The following COMMD10 variants were observed in gnomAD, a reference collection of about 807,000 sequenced individuals.
COMMD10 encodes COMM domain-containing protein 10.
Under a neutral mutation model 28.9 loss-of-function variants are expected in COMMD10, and 33 were observed. The observed-to-expected ratio is 1.14, with a 90% CI of 0.87 to 1.53. The LOEUF (loss-of-function observed/expected upper bound fraction) is 1.53, where lower values mean the gene tolerates loss of function less well. COMMD10 is among the 40% of genes most tolerant of loss of function. The pLI is 0.00. For synonymous variants in COMMD10, 110 were observed against 81.7 expected (o/e 1.35, Z -1.87); for missense variants, 310 against 233.4 (o/e 1.33, Z -2.14).
chr5:116,122,083 C>T (rs1187611749), intron 4 of COMMD10, among the ~76,000 whole-genome samples: 2 of 152,132 alleles, frequency 1.3e-5, no homozygotes, highest in Non-Finnish European at 2.9e-5. Flanking sequence ...ATGGTATTGC[C>T]TAGGTTTTCT....
At chr5:116,168,665 G>C (rs906417954) in intron 5 of COMMD10, among the ~76,000 whole-genome samples, 2 of 152,182 alleles carry the variant, frequency 1.3e-5, no homozygotes, top group Non-Finnish European at 2.9e-5. Context: ...TAGAACTCAA[G>C]ATTAAGAAAC....
chr5:116,249,660 G>A (rs756212794), intron 5 of COMMD10, among the ~76,000 whole-genome samples: 22 of 151,688 alleles, frequency 1.5e-4, no homozygotes, highest in Admixed American at 5.3e-4. Flanking sequence ...ATGGTCAATG[G>A]GTTTATATCA....
At chr5:116,208,094 T>G (rs1001557369) in intron 5 of COMMD10, among the ~76,000 whole-genome samples, 1 of 152,154 alleles carries the variant, frequency 6.6e-6, no homozygotes, top group African/African-American at 2.4e-5. Context: ...ATTATTTGTT[T>G]GAGTTTCCTT....
intron 5 of COMMD10, among the ~76,000 whole-genome samples, chr5:116,196,319 G>A (rs917953587): frequency 5.3e-5 from 8 of 152,068 alleles, no homozygotes; most frequent in African/African-American, 1.9e-4. Flanking sequence ...GCATTAGAAT[G>A]ATACAGTGGA....
At chr5:116,196,436 C>T (rs186880469) in intron 5 of COMMD10, among the ~76,000 whole-genome samples, 150 of 151,938 alleles carry the variant, frequency 9.9e-4, no homozygotes, top group Admixed American at 9.1e-3. Flanking sequence ...TCTCACAAAT[C>T]TCCACTAAAG....
At chr5:116,209,856 A>T (rs192538175) in intron 5 of COMMD10, among the ~76,000 whole-genome samples, 158 of 152,228 alleles carry the variant, frequency 1.0e-3, no homozygotes, top group Non-Finnish European at 1.6e-3. Context: ...CTTAATTTTA[A>T]AAAACATTTT....
intron 4 of COMMD10, among the ~76,000 whole-genome samples, chr5:116,108,813 G>A (rs1750936067): frequency 6.6e-6 from 1 of 152,140 alleles, no homozygotes. Context: ...GAAACCCAGG[G>A]CCTAGGTGGC....
chr5:116,222,610 AATT>A (rs1749291408), intron 5 of COMMD10, among the ~76,000 whole-genome samples: 1 of 152,206 alleles, frequency 6.6e-6, no homozygotes, highest in African/African-American at 2.4e-5. Context: ...TCTTACAAGA[AATT>A]ATCTCAGTTT....
chr5:116,280,566 A>G (rs1313078740), intron 5 of COMMD10, among the ~76,000 whole-genome samples: 4 of 151,824 alleles, frequency 2.6e-5, no homozygotes, highest in African/African-American at 9.7e-5. Context: ...TGGTACATTC[A>G]TCTTTGTATC....
At chr5:116,121,433 A>T (rs561755401) in intron 4 of COMMD10, among the ~76,000 whole-genome samples, 2 of 152,204 alleles carry the variant, frequency 1.3e-5, no homozygotes, top group Non-Finnish European at 2.9e-5. Context: ...ATAGTGCCGC[A>T]GTAAACATAC....
chr5:116,093,633 G>A (rs1467332716), intron 4 of COMMD10, among the ~76,000 whole-genome samples: 1 of 152,058 alleles, frequency 6.6e-6, no homozygotes. Context: ...GCTGGAGCAC[G>A]GCTCCATTTT....
intron 5 of COMMD10, among the ~76,000 whole-genome samples, chr5:116,260,591 C>G (rs1409543174): frequency 6.6e-6 from 1 of 151,750 alleles, no homozygotes; most frequent in East Asian, 1.9e-4. Context: ...ACTTCACTGT[C>G]TTGTTCTATG....
At chr5:116,123,018 A>C (rs1390924773) in intron 4 of COMMD10, among the ~76,000 whole-genome samples, 1 of 152,158 alleles carries the variant, frequency 6.6e-6, no homozygotes, top group African/African-American at 2.4e-5. Context: ...CACTATGTTG[A>C]ATAGGAGTGG....
intron 5 of COMMD10, among the ~76,000 whole-genome samples, chr5:116,255,107 A>G (rs546917678): frequency 1.3e-5 from 2 of 151,820 alleles, no homozygotes; most frequent in South Asian, 4.1e-4. Context: ...TTTATCCAAG[A>G]CTAGGATTGC....
At position 116,263,757 on chromosome 5, in the gene COMMD10, G is replaced by A. The variant is rs145966362; in HGVS notation, c.511-27760G>A. ...TACCTATAGCCTGGAAGCTCCCCGC[G>A]CCCCTACTTTTTGTTCTCCTGCCTT... On this transcript the variant is annotated intron_variant, in intron 5 of 6. Transcript: ENST00000274458. Among the ~76,000 whole-genome samples, 280 of 151,762 alleles carry A rather than the reference G, an allele frequency of 1.8e-3. 7 individuals carry two copies. The highest frequency in any genetic ancestry group is 6.2e-3 in the African/African-American group (254 of 41,248).
intron 5 of COMMD10, among the ~76,000 whole-genome samples, chr5:116,279,200 A>C (rs1163466113): frequency 6.6e-6 from 1 of 151,816 alleles, no homozygotes; most frequent in Non-Finnish European, 1.5e-5. Context: ...CATGCAGTGC[A>C]TTAAGAGGAT....
chr5:116,090,492 T>TA (rs1332481652), intron 2 of COMMD10, among the ~76,000 whole-genome samples: 1 of 152,106 alleles, frequency 6.6e-6, no homozygotes, highest in East Asian at 1.9e-4. Flanking sequence ...ACTCATGCAA[T>TA]AAAAAAACTC....
intron 2 of COMMD10, among the ~76,000 whole-genome samples, chr5:116,090,312 A>C (rs1036864172): frequency 6.6e-6 from 1 of 152,250 alleles, no homozygotes; most frequent in East Asian, 1.9e-4. Context: ...ACGTCCAGGG[A>C]CTTTAAAAAT....
At chr5:116,124,673 A>G (rs1006333154) in intron 4 of COMMD10, among the ~76,000 whole-genome samples, 8 of 152,168 alleles carry the variant, frequency 5.3e-5, no homozygotes, top group African/African-American at 1.9e-4. Context: ...GTGGGGTGTT[A>G]AAGTCTCCCA....
Sources: allele counts gnomAD v4.1 joint callset (sites outside exome capture counted in the v4.1 genomes callset), GRCh38; gene constraint gnomAD v4.1.1; transcripts MANE v1.5; gene names NCBI Gene and HGNC (gene_info 2026-07-23, HGNC 2026-07-21).